Variants in PSMD1 observed in about 807,000 individuals in gnomAD.
The protein encoded by PSMD1 is 26S proteasome non-ATPase regulatory subunit 1.
Under a neutral mutation model 119.0 loss-of-function variants are expected in PSMD1, and 18 were observed. That is an observed-to-expected ratio of 0.15 (90% CI 0.10 to 0.22). PSMD1 has a LOEUF of 0.22. Ranked by LOEUF, PSMD1 falls within the 10% of genes least tolerant of loss-of-function variation. The pLI is 1.00. For missense variants in PSMD1, 702 were observed against 1,158.5 expected, an observed-to-expected ratio of 0.61 and a Z score of 5.72; for synonymous variants, 374 against 396.6, an observed-to-expected ratio of 0.94 and a Z score of 0.68.
Position 231,170,929 on chromosome 2 carries a change from C to T in PSMD1, c.*9+208C>T, listed in dbSNP as rs111393845. Among the ~76,000 whole-genome samples the T allele has an allele frequency of 2.0e-5, 3 of 152,286 alleles. No homozygotes were observed. Among genetic ancestry groups the T allele is most frequent in the South Asian group, 4.1e-4 (2 of 4,832 alleles). On this transcript the variant is annotated intron_variant, in intron 24 of 24. Coordinates refer to ENST00000308696, the MANE Select transcript of PSMD1 (RefSeq NM_002807.4). This position sits in a 1 kb window ranked among gnomAD's most constrained non-coding sequence, Gnocchi z 4.1. ...TCCTCTTTGACTCGTACTCTACTCACGTTATTCAAAGTGGCTGGTCTGCAA... is the reference window on the plus strand; with the variant it reads ...TCCTCTTTGACTCGTACTCTACTCATGTTATTCAAAGTGGCTGGTCTGCAA...
At chr2:231,105,871 C>G (rs529699562) in intron 16 of PSMD1, among the ~76,000 whole-genome samples, 1 of 152,100 alleles carries the variant, frequency 6.6e-6, no homozygotes, top group South Asian at 2.1e-4. Context: ...TACATATTCT[C>G]TGTATACTGT....
chr2:231,089,607 A>ATG (rs1694539422), intron 16 of PSMD1, among the ~76,000 whole-genome samples: 1 of 151,924 alleles, frequency 6.6e-6, no homozygotes, highest in Admixed American at 6.6e-5. Context: ...ATATATATAT[A>ATG]TATATATGGG....
chr2:231,089,435 G>A (rs1268088077), intron 16 of PSMD1, among the ~76,000 whole-genome samples: 1 of 152,136 alleles, frequency 6.6e-6, no homozygotes, highest in Non-Finnish European at 1.5e-5. Context: ...AATGCAGTGG[G>A]TGACTTTAAG....
chr2:231,168,498 AGT>A (rs1559257062), intron 23 of PSMD1, among the ~76,000 whole-genome samples: 1 of 152,368 alleles, frequency 6.6e-6, no homozygotes, highest in East Asian at 1.9e-4. Flanking sequence ...TATATGCTAC[AGT>A]GTGTGTGAAC....
intron 16 of PSMD1, among the ~76,000 whole-genome samples, chr2:231,110,436 A>C (rs2125207505): frequency 6.6e-6 from 1 of 152,350 alleles, no homozygotes; most frequent in South Asian, 2.1e-4. Context: ...CTTATTAGAA[A>C]GACAAATAAT....
chr2:231,099,201 G>A (rs1288249264), intron 16 of PSMD1, among the ~76,000 whole-genome samples: 1 of 152,168 alleles, frequency 6.6e-6, no homozygotes. Context: ...TTAGGCATGA[G>A]AGCTGGCTCC....
At chr2:231,123,453 T>C in intron 16 of PSMD1, 1 of 1,613,990 alleles carries the variant, frequency 6.2e-7, no homozygotes, top group Non-Finnish European at 8.5e-7. Flanking sequence ...TCACAAACAA[T>C]CCAACCAGCA....
chr2:231,147,762 T>G (rs1365459919), intron 18 of PSMD1, among the ~76,000 whole-genome samples: 1 of 152,192 alleles, frequency 6.6e-6, no homozygotes, highest in Non-Finnish European at 1.5e-5. Context: ...GCTCATATAA[T>G]GGGAAGTAGT....
At position 231,123,786 on chromosome 2, in the gene PSMD1, A is replaced by G. The variant is rs1338066987; in HGVS notation, c.1884-14950A>G. 7.7e-6 allele frequency: 12 copies of G among 1,562,458 alleles called. No individual in the cohort carries two copies. In the East Asian group the frequency reaches 1.1e-4, roughly 15 times the overall value. ...CCATTTGCTGTTTTTCTGTGATTCA[A>G]TCCCGTTCCGAACAGTGGTCAGCAT... is the stretch of plus-strand genomic sequence containing the variant. On this transcript the variant is annotated intron_variant, in intron 16 of 24. Coordinates refer to ENST00000308696, the MANE Select transcript of PSMD1 (RefSeq NM_002807.4).
At chr2:231,123,140 A>G (rs1337382266) in intron 16 of PSMD1, among the ~76,000 whole-genome samples, 2 of 152,204 alleles carry the variant, frequency 1.3e-5, no homozygotes, top group African/African-American at 4.8e-5. Context: ...TTCAGAATCT[A>G]TAAATATCAC....
intron 16 of PSMD1, among the ~76,000 whole-genome samples, chr2:231,120,145 T>G (rs571537890): frequency 6.6e-6 from 1 of 152,102 alleles, no homozygotes; most frequent in East Asian, 1.9e-4. Context: ...AGGGACAGGG[T>G]TTCGCCATCT....
chr2:231,085,684 A>G lies in PSMD1; in HGVS notation c.1818+570A>G, dbSNP rs189866354. Reference sequence around the variant, plus strand: ...CCGGGACCCCTAAGGAACATGATCTATTACAAGAGATGCACTGCACAGGAA... The same window carrying G: ...CCGGGACCCCTAAGGAACATGATCTGTTACAAGAGATGCACTGCACAGGAA... On this transcript the variant is annotated intron_variant, in intron 15 of 24. Transcript: ENST00000308696. Among the ~76,000 whole-genome samples the G allele has an allele frequency of 3.5e-5, 5 of 142,634 alleles. No homozygotes were observed. The South Asian group carries it at 6.5e-4, about 19-fold the overall frequency. 93.6% of individuals were successfully genotyped at this position (142,634 alleles called of 152,430 possible).
At position 231,113,824 on chromosome 2, in the gene PSMD1, C is replaced by T. The variant is rs775831094; in HGVS notation, c.1884-24912C>T. 6.8e-6 allele frequency: 11 copies of T among 1,613,906 alleles called. No individual in the cohort carries two copies. Among genetic ancestry groups the T allele is most frequent in the Admixed American group, 5.0e-5 (3 of 60,000 alleles). On this transcript the variant is annotated intron_variant, in intron 16 of 24. Transcript: ENST00000308696. ...GATTGGCTTTTTGATGGCTATGTAA[C>T]GATCCACTGAAATGGCACAGAGATG...
chr2:231,123,690 G>T, intron 16 of PSMD1: 1 of 1,614,008 alleles, frequency 6.2e-7, no homozygotes, highest in Non-Finnish European at 8.5e-7. Flanking sequence ...AAGAGATAAC[G>T]TGAACAAAGG....
intron 19 of PSMD1, among the ~76,000 whole-genome samples, chr2:231,158,890 A>C (rs552995970): frequency 6.6e-6 from 1 of 152,320 alleles, no homozygotes; most frequent in East Asian, 1.9e-4. Context: ...CAATAAATGT[A>C]TATAATTCAT....
intron 16 of PSMD1, among the ~76,000 whole-genome samples, chr2:231,089,518 G>T (rs1270871793): frequency 6.6e-6 from 1 of 151,932 alleles, no homozygotes; most frequent in East Asian, 1.9e-4. Flanking sequence ...TGTTCTACGT[G>T]TTCTAGAAAT....
At chr2:231,102,939 G>A (rs1447879765) in intron 16 of PSMD1, among the ~76,000 whole-genome samples, 1 of 152,140 alleles carries the variant, frequency 6.6e-6, no homozygotes, top group Non-Finnish European at 1.5e-5. Context: ...TACACAGTAA[G>A]TTGCTAAAGT....
chr2:231,069,017 C>T (rs1030751031), intron 5 of PSMD1, among the ~76,000 whole-genome samples: 6 of 152,164 alleles, frequency 3.9e-5, no homozygotes, highest in African/African-American at 1.4e-4. Flanking sequence ...TGGTTTCAGG[C>T]ATCTGCTGGG....
intron 16 of PSMD1, among the ~76,000 whole-genome samples, chr2:231,100,853 CCA>C (rs1694847041): frequency 6.6e-6 from 1 of 152,200 alleles, no homozygotes. Context: ...ACTTGGAAAT[CCA>C]CAGTGGGCAC....
Sources: allele counts gnomAD v4.1 joint callset (sites outside exome capture counted in the v4.1 genomes callset), GRCh38; gene constraint gnomAD v4.1.1; non-coding constraint Gnocchi (gnomAD v3.1); transcripts MANE v1.5; gene names NCBI Gene and HGNC (gene_info 2026-07-23, HGNC 2026-07-21).